Variants in FRMD4A observed in about 807,000 individuals in gnomAD.
FRMD4A encodes FERM domain-containing protein 4A.
Under a neutral mutation model 129.1 loss-of-function variants are expected in FRMD4A, and 29 were observed. The ratio of observed to expected loss-of-function variants is 0.22; its 90% CI spans 0.17 to 0.31. FRMD4A has a LOEUF of 0.31. FRMD4A is among the 10% of genes least tolerant of loss of function. The probability of loss-of-function intolerance (pLI) is 1.00; values close to 1 mark genes in which losing one functional copy is unlikely to be tolerated. For synonymous variants in FRMD4A, 634 were observed against 571.6 expected (o/e 1.11, Z -1.56); for missense variants, 1,272 against 1,375.8 (o/e 0.92, Z 1.19).
chr10:13,805,098 C>T (rs185515447), intron 4 of FRMD4A, among the ~76,000 whole-genome samples: 127 of 151,754 alleles, frequency 8.4e-4, no homozygotes, highest in Non-Finnish European at 1.5e-3. Context: ...ATCTCAAAGG[C>T]GGTGTGATGA....
At chr10:14,321,774 G>T (rs1843064822) in intron 2 of FRMD4A, among the ~76,000 whole-genome samples, 2 of 152,134 alleles carry the variant, frequency 1.3e-5, no homozygotes, top group African/African-American at 4.8e-5. Flanking sequence ...CAGGTGATAT[G>T]GTTTGCATCT....
intron 15 of FRMD4A, chr10:13,685,497 T>A: frequency 3.0e-6 from 3 of 985,240 alleles, no homozygotes; most frequent in Non-Finnish European, 3.6e-6. Context: ...AGCTGACCTA[T>A]CTTCTGGGTC....
intron 3 of FRMD4A, among the ~76,000 whole-genome samples, chr10:13,836,609 T>C (rs1315502606): frequency 6.6e-6 from 1 of 152,152 alleles, no homozygotes; most frequent in African/African-American, 2.4e-5. Flanking sequence ...GAGTGTTAAT[T>C]ACATCGGGTC....
At chr10:14,143,940 C>T (rs925752146) in intron 2 of FRMD4A, among the ~76,000 whole-genome samples, 3 of 152,058 alleles carry the variant, frequency 2.0e-5, no homozygotes, top group Non-Finnish European at 4.4e-5. Context: ...TATATTTTGT[C>T]ACAATTAAAA....
intron 2 of FRMD4A, among the ~76,000 whole-genome samples, chr10:14,292,522 G>A (rs1282703648): frequency 1.3e-5 from 2 of 152,188 alleles, no homozygotes; most frequent in South Asian, 2.1e-4. Flanking sequence ...AAAATGGGCT[G>A]GGCATGGTGG....
chr10:14,077,229 A>G (rs181838412), intron 2 of FRMD4A, among the ~76,000 whole-genome samples: 275 of 152,348 alleles, frequency 1.8e-3, no homozygotes, highest in African/African-American at 6.2e-3. Flanking sequence ...AAAAATATGC[A>G]TTATAAGAAT....
At chr10:14,302,102 G>C (rs1273655077) in intron 2 of FRMD4A, among the ~76,000 whole-genome samples, 1 of 152,192 alleles carries the variant, frequency 6.6e-6, no homozygotes, top group African/African-American at 2.4e-5. Context: ...TAGTGCATTG[G>C]ATGGTCATTC....
intron 2 of FRMD4A, among the ~76,000 whole-genome samples, chr10:13,997,218 A>G (rs1271755492): frequency 6.6e-6 from 1 of 152,042 alleles, no homozygotes; most frequent in Admixed American, 6.5e-5. Context: ...TTTCTGACAT[A>G]GTGGCTGAAG....
intron 2 of FRMD4A, among the ~76,000 whole-genome samples, chr10:14,107,605 A>G (rs1056517876): frequency 2.6e-5 from 4 of 152,170 alleles, no homozygotes; most frequent in African/African-American, 9.7e-5. Context: ...GTACCAGTTA[A>G]CCATTCTGTG....
intron 8 of FRMD4A, among the ~76,000 whole-genome samples, chr10:13,759,931 A>G (rs1373041723): frequency 6.6e-6 from 1 of 152,008 alleles, no homozygotes; most frequent in Non-Finnish European, 1.5e-5. Flanking sequence ...GGCATTTGAG[A>G]TCAGAGTCAG....
chr10:13,953,810 T>TATAA (rs879895257), intron 2 of FRMD4A, among the ~76,000 whole-genome samples: 5 of 152,196 alleles, frequency 3.3e-5, no homozygotes, highest in Non-Finnish European at 5.9e-5. Flanking sequence ...TAGGGTTTGG[T>TATAA]ACTATTCGAG....
At chr10:14,142,204 C>A (rs988257272) in intron 2 of FRMD4A, among the ~76,000 whole-genome samples, 1 of 151,652 alleles carries the variant, frequency 6.6e-6, no homozygotes, top group Non-Finnish European at 1.5e-5. Flanking sequence ...TCTTAATTCT[C>A]TGAATATGCT....
At chr10:14,237,334 T>C (rs1043729320) in intron 2 of FRMD4A, among the ~76,000 whole-genome samples, 1 of 145,472 alleles carries the variant, frequency 6.9e-6, no homozygotes, top group Non-Finnish European at 1.5e-5. Context: ...ATTTCTCTTT[T>C]TTTGTTGTTG....
chr10:13,708,911 C>T (rs1480984707), intron 12 of FRMD4A, among the ~76,000 whole-genome samples: 1 of 152,208 alleles, frequency 6.6e-6, no homozygotes, highest in African/African-American at 2.4e-5. Context: ...CTGAGCAAAG[C>T]GGTCAGGCAG....
chr10:13,868,284 T>C (rs1315725195), intron 2 of FRMD4A, among the ~76,000 whole-genome samples: 1 of 152,124 alleles, frequency 6.6e-6, no homozygotes, highest in Non-Finnish European at 1.5e-5. Context: ...CATTGTAATA[T>C]GATTTTTATG....
intron 8 of FRMD4A, among the ~76,000 whole-genome samples, chr10:13,760,882 T>TC (rs1206569626): frequency 1.3e-5 from 2 of 151,916 alleles, no homozygotes; most frequent in East Asian, 3.9e-4. Context: ...TTTTTTTTTT[T>TC]TTCAGAGGAG....
intron 12 of FRMD4A, among the ~76,000 whole-genome samples, chr10:13,708,471 A>G (rs1270352069): frequency 1.3e-5 from 2 of 152,230 alleles, no homozygotes; most frequent in African/African-American, 2.4e-5. Flanking sequence ...GTCTGCGTTA[A>G]GTACTGGGAA....
At chr10:13,866,851 G>C (rs918773846) in intron 2 of FRMD4A, among the ~76,000 whole-genome samples, 8 of 152,172 alleles carry the variant, frequency 5.3e-5, no homozygotes, top group Admixed American at 2.0e-4. Flanking sequence ...GGGAGGATGA[G>C]GCAGGAGAAT....
intron 2 of FRMD4A, among the ~76,000 whole-genome samples, chr10:14,288,506 G>T (rs1845753095): frequency 6.6e-6 from 1 of 152,158 alleles, no homozygotes; most frequent in Non-Finnish European, 1.5e-5. Context: ...CTGCATTATG[G>T]AATGGAAGAA....
Sources: gnomAD v4.1 joint callset for allele counts (sites outside exome capture counted in the v4.1 genomes callset) on GRCh38, gnomAD v4.1.1 for gene constraint, MANE v1.5 for transcripts, NCBI Gene and HGNC (gene_info 2026-07-23, HGNC 2026-07-21) for gene names.